MYO5B: variants seen among roughly 807,000 people sequenced by gnomAD.
MYO5B encodes myosin VB, also known as unconventional myosin-Vb.
A neutral mutation model predicts 229.3 loss-of-function variants in MYO5B; 143 were observed. That is an observed-to-expected ratio of 0.62 (90% CI 0.54 to 0.72). The LOEUF (loss-of-function observed/expected upper bound fraction) is 0.72, where lower values mean the gene tolerates loss of function less well. Ranked by LOEUF, MYO5B falls within the 30% of genes least tolerant of loss-of-function variation. The probability of loss-of-function intolerance (pLI) is 0.00; values close to 1 mark genes in which losing one functional copy is unlikely to be tolerated. For missense variants in MYO5B, 2,321 were observed against 2,331.0 expected, an observed-to-expected ratio of 1.00 and a Z score of 0.09; for synonymous variants, 918 against 885.2, an observed-to-expected ratio of 1.04 and a Z score of -0.66.
At position 49,892,684 on chromosome 18, in the gene MYO5B, C is replaced by CA. The variant is rs992636436; in HGVS notation, c.3045+2256dup. On this transcript the variant is annotated intron_variant, in intron 22 of 39. Coordinates refer to ENST00000285039, the MANE Select transcript of MYO5B (RefSeq NM_001080467.3). The stretch of plus-strand genomic sequence containing the variant: ...CCCTGAGGAGGCACAGAAGACAAAA[C>CA]AAAAAAAAGCCAGCCAGCTCATCTA... Among the ~76,000 whole-genome samples, 33 of 151,880 alleles carry CA rather than the reference C, an allele frequency of 2.2e-4. No individual in the cohort carries two copies. The South Asian group carries it at 3.1e-3, about 14-fold the overall frequency.
chr18:49,849,753 G>T, intron 31 of MYO5B, 93 bp from the exon 32 acceptor site: 1 of 977,144 alleles, frequency 1.0e-6, no homozygotes, highest in African/African-American at 1.6e-5. Flanking sequence ...TGACCAGTGC[G>T]GCCCATGGGC....
chr18:49,917,210 C>A (rs1270547008), intron 17 of MYO5B, among the ~76,000 whole-genome samples: 3 of 152,224 alleles, frequency 2.0e-5, no homozygotes, highest in East Asian at 3.8e-4. Flanking sequence ...TGTCTCTGAT[C>A]CACGTTTAAC....
At chr18:50,000,672 T>C (rs185957693) in intron 5 of MYO5B, among the ~76,000 whole-genome samples, 2 of 152,294 alleles carry the variant, frequency 1.3e-5, no homozygotes, top group Admixed American at 1.3e-4. Context: ...CCAGCCCCTA[T>C]CATGAAGGCT....
chr18:50,114,870 A>T (rs897093012), intron 1 of MYO5B, among the ~76,000 whole-genome samples: 2 of 152,172 alleles, frequency 1.3e-5, no homozygotes, highest in African/African-American at 4.8e-5. Flanking sequence ...GCTGCCCAAG[A>T]CCTTGTTTAT....
chr18:50,150,766 C>T (rs778275032), intron 1 of MYO5B, among the ~76,000 whole-genome samples: 11 of 151,990 alleles, frequency 7.2e-5, no homozygotes, highest in South Asian at 2.1e-4. Flanking sequence ...TGCACCAGCA[C>T]GTCACATGTA....
At position 50,192,910 on chromosome 18, in the gene MYO5B, C is replaced by T. The variant is rs182358229; in HGVS notation, c.27+1857G>A. On this transcript the variant is annotated intron_variant, in intron 1 of 39. Coordinates refer to ENST00000285039, the MANE Select transcript of MYO5B (RefSeq NM_001080467.3). Reference sequence around the variant, plus strand: ...AAAGTTTATATTTTTAATCTTTTAACTCCATTTTTCCCCCACAAACTTTCC... The same window carrying T: ...AAAGTTTATATTTTTAATCTTTTAATTCCATTTTTCCCCCACAAACTTTCC... Among the ~76,000 whole-genome samples, 77 of 152,286 alleles carry T rather than the reference C, an allele frequency of 5.1e-4. 3 individuals carry two copies. The South Asian group carries it at 0.012, about 23-fold the overall frequency.
At chr18:49,950,672 G>A (rs1046486739) in intron 14 of MYO5B, among the ~76,000 whole-genome samples, 1 of 152,102 alleles carries the variant, frequency 6.6e-6, no homozygotes, top group African/African-American at 2.4e-5. Flanking sequence ...ATGCAGAATA[G>A]GGTATATTCT....
chr18:50,061,987 T>C (rs1229557669), intron 1 of MYO5B, among the ~76,000 whole-genome samples: 1 of 152,190 alleles, frequency 6.6e-6, no homozygotes, highest in African/African-American at 2.4e-5. Context: ...TTAAAAGTAC[T>C]GAACAATTTG....
At chr18:50,146,761 A>G (rs919517366) in intron 1 of MYO5B, among the ~76,000 whole-genome samples, 1 of 152,244 alleles carries the variant, frequency 6.6e-6, no homozygotes, top group Admixed American at 6.5e-5. Flanking sequence ...ACTCTTAAAG[A>G]GGATGTGAAC....
intron 22 of MYO5B, among the ~76,000 whole-genome samples, chr18:49,887,116 G>A (rs1169892980): frequency 6.6e-6 from 1 of 152,072 alleles, no homozygotes; most frequent in Non-Finnish European, 1.5e-5. Flanking sequence ...GAAGGTGTAG[G>A]TGGCATACAT....
chr18:50,178,339 T>C (rs1287794199), intron 1 of MYO5B, among the ~76,000 whole-genome samples: 1 of 152,204 alleles, frequency 6.6e-6, no homozygotes, highest in East Asian at 1.9e-4. Context: ...CTGAAAAATA[T>C]CAACTTCCCT....
chr18:49,824,040 A>T lies in MYO5B; in HGVS notation c.*2431T>A, dbSNP rs2023807882. The T allele has an allele frequency of 6.6e-6, 1 of 152,640 alleles. No homozygotes were observed. Among genetic ancestry groups the T allele is most frequent in the Admixed American group, 6.5e-5 (1 of 15,282 alleles). 9.5% of individuals were successfully genotyped at this position (152,640 alleles called of 1,614,324 possible). ...CACCTGGTGAAAAAAATGTCAACTAAATTTTAAATATTAAAAAATTAAAGA... is the reference window on the plus strand; with the variant it reads ...CACCTGGTGAAAAAAATGTCAACTATATTTTAAATATTAAAAAATTAAAGA... On this transcript the variant is annotated 3_prime_UTR_variant, in exon 40 of 40. Transcript: ENST00000285039.
intron 22 of MYO5B, among the ~76,000 whole-genome samples, chr18:49,891,618 C>T (rs899905409): frequency 1.3e-5 from 2 of 152,278 alleles, no homozygotes; most frequent in Admixed American, 1.3e-4. Context: ...CCTAATAATC[C>T]TCAGCCTCCA....
intron 5 of MYO5B, among the ~76,000 whole-genome samples, chr18:50,000,341 A>T (rs1475767927): frequency 6.6e-6 from 1 of 152,158 alleles, no homozygotes; most frequent in Non-Finnish European, 1.5e-5. Flanking sequence ...AGGTGTGATG[A>T]TAGAAGGGAA....
intron 36 of MYO5B, among the ~76,000 whole-genome samples, chr18:49,838,196 C>T (rs1244470543): frequency 6.6e-6 from 1 of 152,178 alleles, no homozygotes; most frequent in East Asian, 1.9e-4. Context: ...ACCTATGCAC[C>T]AGGGGCTTTA....
chr18:49,971,969 A>G (rs1459196192), intron 10 of MYO5B, among the ~76,000 whole-genome samples: 1 of 152,260 alleles, frequency 6.6e-6, no homozygotes, highest in African/African-American at 2.4e-5. Context: ...CATGCCCGGA[A>G]GAAAGCACAA....
At chr18:49,925,319 C>T (rs2025117014) in intron 17 of MYO5B, among the ~76,000 whole-genome samples, 2 of 152,186 alleles carry the variant, frequency 1.3e-5, no homozygotes, top group South Asian at 4.1e-4. Context: ...CCTGGAAGCT[C>T]CCGCCTTCCG....
chr18:50,015,264 C>T (rs2026204408), intron 4 of MYO5B, among the ~76,000 whole-genome samples: 1 of 152,142 alleles, frequency 6.6e-6, no homozygotes, highest in Non-Finnish European at 1.5e-5. Flanking sequence ...ACCTAGTGAA[C>T]TTCATTTTTG....
At chr18:49,870,756 C>CAAAA (rs1264303493) in intron 27 of MYO5B, among the ~76,000 whole-genome samples, 2 of 151,782 alleles carry the variant, frequency 1.3e-5, no homozygotes, top group African/African-American at 4.9e-5. Flanking sequence ...TAGCTACTAT[C>CAAAA]AAAAAAATAA....
Sources: allele counts gnomAD v4.1 joint callset (sites outside exome capture counted in the v4.1 genomes callset), GRCh38; gene constraint gnomAD v4.1.1; transcripts MANE v1.5; gene names NCBI Gene and HGNC (gene_info 2026-07-23, HGNC 2026-07-21).